Variants in GRAMD1C observed in about 807,000 individuals in gnomAD.
GRAMD1C encodes the protein protein Aster-C.
Under a neutral mutation model 97.8 loss-of-function variants are expected in GRAMD1C, and 89 were observed. That is an observed-to-expected ratio of 0.91 (90% CI 0.77 to 1.09). The LOEUF (loss-of-function observed/expected upper bound fraction) is 1.09. Ranked by LOEUF, GRAMD1C falls within the 50% of genes least tolerant of loss-of-function variation. The pLI, the probability that GRAMD1C is intolerant of heterozygous loss-of-function variation, is 0.00. For missense variants in GRAMD1C, 740 were observed against 766.4 expected (o/e 0.97, Z 0.41); for synonymous variants, 256 against 267.0 (o/e 0.96, Z 0.40).
intron 2 of GRAMD1C, among the ~76,000 whole-genome samples, chr3:113,849,415 G>A (rs1294053106): frequency 6.6e-6 from 1 of 151,800 alleles, no homozygotes; most frequent in Non-Finnish European, 1.5e-5. Flanking sequence ...AAAGGTCTCT[G>A]GTTTTCCTAG....
intron 5 of GRAMD1C, among the ~76,000 whole-genome samples, chr3:113,882,233 T>C (rs1443849329): frequency 6.6e-6 from 1 of 152,190 alleles, no homozygotes; most frequent in Non-Finnish European, 1.5e-5. Context: ...TTAGCATGGG[T>C]ACTTTATAAT....
In GRAMD1C at chr3:113,944,209, T is replaced by C. The variant is rs115220636; in HGVS notation, c.1909-1189T>C. On this transcript the variant is annotated intron_variant, in intron 17 of 17. Transcript: ENST00000358160. Reference sequence around the variant, plus strand: ...GATTAAGGTTCTGGCATGTTTGGTGTCCACCTGGCAGAAGGGACTGAAGGA... The same window carrying C: ...GATTAAGGTTCTGGCATGTTTGGTGCCCACCTGGCAGAAGGGACTGAAGGA... Among the ~76,000 whole-genome samples the C allele has an allele frequency of 8.6e-3, 1,316 of 152,278 alleles. 18 individuals are homozygous for C. Among genetic ancestry groups the C allele is most frequent in the African/African-American group, 0.03 (1,228 of 41,566 alleles).
chr3:113,933,972 T>C (rs989959447), intron 12 of GRAMD1C, among the ~76,000 whole-genome samples: 2 of 152,076 alleles, frequency 1.3e-5, no homozygotes, highest in African/African-American at 2.4e-5. Context: ...CTGGGAGTTT[T>C]GGGGGAGTGC....
chr3:113,851,808 G>A (rs966186642), intron 2 of GRAMD1C, among the ~76,000 whole-genome samples: 1 of 152,046 alleles, frequency 6.6e-6, no homozygotes, highest in Non-Finnish European at 1.5e-5. Context: ...CTGAACCACT[G>A]TGCCTGGCCA....
intron 2 of GRAMD1C, among the ~76,000 whole-genome samples, chr3:113,852,140 T>A (rs898339947): frequency 6.6e-6 from 1 of 152,180 alleles, no homozygotes; most frequent in African/African-American, 2.4e-5. Context: ...CAAATCTGTT[T>A]TATACATACA....
At chr3:113,908,015 C>G (rs1400272872) in intron 8 of GRAMD1C, among the ~76,000 whole-genome samples, 1 of 152,104 alleles carries the variant, frequency 6.6e-6, no homozygotes, top group Non-Finnish European at 1.5e-5. Context: ...CAATATAATC[C>G]TTTAATAAAT....
chr3:113,873,133 G>A (rs947006197), intron 3 of GRAMD1C, among the ~76,000 whole-genome samples: 3 of 147,472 alleles, frequency 2.0e-5, no homozygotes, highest in African/African-American at 5.0e-5. Flanking sequence ...GGTGGCGCAC[G>A]CTTTTAATCC....
chr3:113,891,679 A>G (rs2107425668), intron 6 of GRAMD1C, among the ~76,000 whole-genome samples: 1 of 151,610 alleles, frequency 6.6e-6, no homozygotes, highest in East Asian at 1.9e-4. Flanking sequence ...CCAGTTCAAG[A>G]CCAGCCTGGG....
intron 6 of GRAMD1C, among the ~76,000 whole-genome samples, chr3:113,886,777 G>GTTT (rs34683672): frequency 2.1e-3 from 172 of 80,014 alleles, no homozygotes; most frequent in African/African-American, 3.4e-3. Context: ...TTGTTTGCTT[G>GTTT]TTTTTTTTTT....
intron 9 of GRAMD1C, among the ~76,000 whole-genome samples, chr3:113,909,853 C>G (rs1038644257): frequency 2.0e-5 from 3 of 152,070 alleles, no homozygotes; most frequent in Non-Finnish European, 4.4e-5. Flanking sequence ...ACTCAAATTT[C>G]TTTGTGTGAA....
chr3:113,941,807 CAG>C (rs892569017), intron 17 of GRAMD1C, among the ~76,000 whole-genome samples: 4 of 152,074 alleles, frequency 2.6e-5, no homozygotes, highest in African/African-American at 9.7e-5. Flanking sequence ...TTAGTAGAGA[CAG>C]GGTTTCGCCA....
rs1187587255 is a variant in GRAMD1C, at chr3:113,879,689, CT to C, written c.460-3042del. ...ACACTCCACACGGGATGACCTCTTC[CT>C]TTTTTTTTTTTTTTTTTTTTGAGAC... On this transcript the variant is annotated intron_variant, in intron 5 of 17. Transcript: ENST00000358160. Among the ~76,000 whole-genome samples, 203 of 131,952 alleles carry C rather than the reference CT, an allele frequency of 1.5e-3. 1 individual carries two copies. The South Asian group carries it at 0.018, about 12-fold the overall frequency. 86.6% of individuals were successfully genotyped at this position (131,952 alleles called of 152,430 possible).
chr3:113,946,392 A>C lies in GRAMD1C; in HGVS notation c.*914A>C, dbSNP rs552393021. On this transcript the variant is annotated 3_prime_UTR_variant, in exon 18 of 18. Transcript: ENST00000358160. ...GACTTGTTTTGATTGGTAAGTTATA[A>C]GCCAGACATAGATTTTAGCTCTTTA... 2.6e-5 allele frequency: 4 copies of C among 152,404 alleles called. No individual in the cohort carries two copies. The highest frequency in any genetic ancestry group is 6.5e-5 in the Admixed American group (1 of 15,280). 9.4% of individuals were successfully genotyped at this position (152,404 alleles called of 1,614,324 possible).
At chr3:113,846,975 G>T (rs1933638677) in intron 2 of GRAMD1C, among the ~76,000 whole-genome samples, 1 of 152,028 alleles carries the variant, frequency 6.6e-6, no homozygotes, top group Non-Finnish European at 1.5e-5. Context: ...ACAAAAAAAA[G>T]ACCCCATATA....
In GRAMD1C at chr3:113,838,917, G is replaced by A. The variant is rs1709696625; in HGVS notation, c.8G>A (p.Gly3Asp). 9.1e-6 allele frequency: 11 copies of A among 1,213,896 alleles called. No homozygotes were observed. In the East Asian group the frequency reaches 3.2e-4, roughly 36 times the overall value. The allele number at this position is 1,213,896 out of a possible 1,614,324, so 75.2% of individuals were successfully genotyped here. ME[G>D]APTVRQVMNE... The stretch of plus-strand genomic sequence containing the variant: ...GCGGCGGAGGGAGCCGCGATGGAGG[G>A]CGCTCCGACTGTCCGTCAGGTAAGC... The change falls in exon 1 of 18, where the codon GGC becomes GAC. Residue 3 changes from glycine to aspartate, a missense_variant. Transcript: ENST00000358160.
At chr3:113,941,006 A>T (rs956621407) in intron 17 of GRAMD1C, among the ~76,000 whole-genome samples, 10 of 152,188 alleles carry the variant, frequency 6.6e-5, no homozygotes, top group Non-Finnish European at 1.5e-4. Flanking sequence ...GTGGCCCTCT[A>T]TGCCGGGTGC....
chr3:113,880,467 A>G (rs1301678283), intron 5 of GRAMD1C, among the ~76,000 whole-genome samples: 1 of 152,142 alleles, frequency 6.6e-6, no homozygotes, highest in Non-Finnish European at 1.5e-5. Flanking sequence ...CTGCACGTGT[A>G]GATAGACCCA....
chr3:113,862,423 A>G (rs902134241), intron 2 of GRAMD1C, among the ~76,000 whole-genome samples: 4 of 152,224 alleles, frequency 2.6e-5, no homozygotes, highest in African/African-American at 9.6e-5. Flanking sequence ...CTTTTGAAAG[A>G]AGAGAAATAT....
intron 1 of GRAMD1C, among the ~76,000 whole-genome samples, chr3:113,832,161 C>T (rs923265326): frequency 1.3e-5 from 2 of 151,960 alleles, no homozygotes; most frequent in African/African-American, 2.4e-5. Context: ...CTCAGCCTCA[C>T]GAACTACAGG....
Sources: gnomAD v4.1 joint callset for allele counts (sites outside exome capture counted in the v4.1 genomes callset) on GRCh38, gnomAD v4.1.1 for gene constraint, MANE v1.5 for transcripts, NCBI Gene and HGNC (gene_info 2026-07-23, HGNC 2026-07-21) for gene names.